The following NCOA6 variants were observed in gnomAD, a reference collection of about 807,000 sequenced individuals.
NCOA6 encodes the protein nuclear receptor coactivator 6.
A neutral mutation model predicts 171.4 loss-of-function variants in NCOA6; 49 were observed. That is an observed-to-expected ratio of 0.29 (90% confidence interval 0.23 to 0.36). The LOEUF is 0.36. Among genes scored for constraint, NCOA6 ranks in the 10% least tolerant of loss-of-function variants. The pLI is 1.00. For synonymous variants in NCOA6, 910 were observed against 927.5 expected, an observed-to-expected ratio of 0.98 and a Z score of 0.34; for missense variants, 2,248 against 2,554.5, an observed-to-expected ratio of 0.88 and a Z score of 2.59.
At chr20:34,726,198 G>A (rs1989937679) in intron 14 of NCOA6, among the ~76,000 whole-genome samples, 1 of 152,160 alleles carries the variant, frequency 6.6e-6, no homozygotes, top group South Asian at 2.1e-4. Context: ...GAAGGTCAGA[G>A]GAGATGGGAT....
At chr20:34,775,806 G>GAAGC (rs2077303600) in intron 4 of NCOA6, among the ~76,000 whole-genome samples, 1 of 151,970 alleles carries the variant, frequency 6.6e-6, no homozygotes, top group Admixed American at 6.6e-5. Flanking sequence ...TGGAAGGAAG[G>GAAGC]AAGCAAATTA....
At position 34,742,839 on chromosome 20, in the gene NCOA6, T is replaced by C. The variant is rs1188370210; in HGVS notation, c.3417A>G (p.Glu1139=). ...TTGGGCCTCCTGGGACAGATGGTGCTTCACTGCCACTTGCTTCAGGGAGTG... is the reference window on the plus strand; with the variant it reads ...TTGGGCCTCCTGGGACAGATGGTGCCTCACTGCCACTTGCTTCAGGGAGTG... ...MASLPEASGS[E]APSVPGGPNN... Residue 1139 remains glutamate (E), a synonymous_variant, in exon 11 of 15, where the codon GAA becomes GAG. Transcript: ENST00000359003. 6.2e-7 allele frequency: 1 copy of C among 1,614,204 alleles called. No individual in the cohort carries two copies. The highest frequency in any genetic ancestry group is 1.3e-5 in the African/African-American group (1 of 75,056).
At chr20:34,750,588 G>A in intron 8 of NCOA6, 69 bp from the exon 9 acceptor site, 2 of 1,426,118 alleles carry the variant, frequency 1.4e-6, no homozygotes, top group Non-Finnish European at 1.9e-6. Flanking sequence ...AGATACTCAA[G>A]TTACATTACT....
At chr20:34,806,303 C>T (rs2078448629) in intron 1 of NCOA6, among the ~76,000 whole-genome samples, 2 of 152,148 alleles carry the variant, frequency 1.3e-5, no homozygotes, top group Non-Finnish European at 2.9e-5. Context: ...TTCTTTATTC[C>T]AGATATTAAT....
chr20:34,740,761 C>T lies in NCOA6; in HGVS notation c.5495G>A (p.Cys1832Tyr). 1 of 1,614,264 alleles carries T rather than the reference C, an allele frequency of 6.2e-7. No homozygotes were observed. The highest frequency in any genetic ancestry group is 8.5e-7 in the Non-Finnish European group (1 of 1,180,050). The change falls in exon 11 of 15, where the codon TGT (cysteine) becomes TAT (tyrosine). Residue 1832 changes from cysteine (C) to tyrosine (Y), a missense_variant. Around this residue, in one of 7 missense-constraint regions of NCOA6, gnomAD observed 884 missense variants for 941.9 expected, o/e 0.94. Transcript: ENST00000359003. ...CTCAAGAGAGCCTGTAACTTTCTTA[C>T]ATGCCTTGGTCAACAAAATTTGGCC... is the stretch of plus-strand genomic sequence containing the variant. ...KIGQILLTKA[C>Y]KKVTGSLEKG...
At chr20:34,807,095 T>TA (rs2078478578) in intron 1 of NCOA6, among the ~76,000 whole-genome samples, 1 of 152,188 alleles carries the variant, frequency 6.6e-6, no homozygotes, top group Admixed American at 6.5e-5. Flanking sequence ...TCCATGATTA[T>TA]AAAAAATTGT....
At chr20:34,817,018 G>A (rs1382386681) in intron 1 of NCOA6, among the ~76,000 whole-genome samples, 1 of 151,030 alleles carries the variant, frequency 6.6e-6, no homozygotes, top group Non-Finnish European at 1.5e-5. Flanking sequence ...AGCTACTCAG[G>A]AGGTTGAGAC....
intron 11 of NCOA6, among the ~76,000 whole-genome samples, chr20:34,739,680 C>T (rs2076070831): frequency 6.6e-6 from 1 of 152,182 alleles, no homozygotes; most frequent in Non-Finnish European, 1.5e-5. Flanking sequence ...AGACTCTGAA[C>T]AAACACTGAA....
intron 1 of NCOA6, among the ~76,000 whole-genome samples, chr20:34,823,695 T>C (rs560541752): frequency 6.6e-6 from 1 of 151,948 alleles, no homozygotes; most frequent in Non-Finnish European, 1.5e-5. Context: ...AGAAGGAGCA[T>C]CTCTCTTTTT....
At chr20:34,787,122 G>GAAA (rs71340421) in intron 2 of NCOA6, among the ~76,000 whole-genome samples, 22 of 144,656 alleles carry the variant, frequency 1.5e-4, no homozygotes, top group African/African-American at 5.3e-4. Context: ...ACAAATTTAT[G>GAAA]AAAAAAAAAA....
chr20:34,730,768 A>C (rs898805502), intron 13 of NCOA6, among the ~76,000 whole-genome samples: 1 of 144,098 alleles, frequency 6.9e-6, no homozygotes, highest in African/African-American at 2.6e-5. Context: ...GTTGGAGTGC[A>C]GTGAGCACGA....
At chr20:34,738,680 G>C (rs2076033064) in intron 11 of NCOA6, among the ~76,000 whole-genome samples, 1 of 152,246 alleles carries the variant, frequency 6.6e-6, no homozygotes, top group African/African-American at 2.4e-5. Flanking sequence ...CTCTGCGTGA[G>C]GCAGTGTGTT....
chr20:34,784,381 T>G (rs1055138981), intron 2 of NCOA6, among the ~76,000 whole-genome samples: 1 of 152,030 alleles, frequency 6.6e-6, no homozygotes, highest in Non-Finnish European at 1.5e-5. Context: ...TGTACCACCG[T>G]GCCCAGCTAA....
At chr20:34,774,542 A>G (rs963655423) in intron 4 of NCOA6, among the ~76,000 whole-genome samples, 5 of 152,202 alleles carry the variant, frequency 3.3e-5, no homozygotes, top group African/African-American at 1.2e-4. Context: ...ACTGCATAAA[A>G]TGTGTCTCAC....
rs531464187 is a variant in NCOA6 at position 34,735,671 on chromosome 20, A to T, written c.5962+1019T>A. ...AAAAAAAAAAGAAAAACAAAAAGAA[A>T]AAAAGACTCTAGGTGGCTGAAATGT... is the stretch of plus-strand genomic sequence containing the variant. On this transcript the variant is annotated intron_variant, in intron 12 of 14. Transcript: ENST00000359003. Among the ~76,000 whole-genome samples, 503 of 152,202 alleles carry T rather than the reference A, an allele frequency of 3.3e-3. 2 individuals are homozygous for T. The highest frequency in any genetic ancestry group is 6.8e-3 in the Middle Eastern group (2 of 294).
chr20:34,787,007 AG>A (rs1400011224), intron 2 of NCOA6, among the ~76,000 whole-genome samples: 1 of 152,174 alleles, frequency 6.6e-6, no homozygotes. Context: ...GCACAGCAAA[AG>A]AAACTATCAT....
At position 34,754,708 on chromosome 20, in the gene NCOA6, C is replaced by T. The variant is rs1315228723; in HGVS notation, c.1675+14G>A. ...CTCAATAAATGCTGGCTAAACAAAT[C>T]ACAGAAAACAAACCTGCATGCTGGA... On this transcript the variant is annotated intron_variant, in intron 8 of 14. Transcript: ENST00000359003. The T allele has an allele frequency of 6.2e-7, 1 of 1,614,062 alleles. No homozygotes were observed. Among genetic ancestry groups the T allele is most frequent in the Non-Finnish European group, 8.5e-7 (1 of 1,179,986 alleles).
At chr20:34,797,150 CA>C in intron 1 of NCOA6, among the ~76,000 whole-genome samples, 1 of 152,096 alleles carries the variant, frequency 6.6e-6, no homozygotes, top group Non-Finnish European at 1.5e-5. Flanking sequence ...CCAGCATGGC[CA>C]AGGAGTAATT....
chr20:34,727,433 C>G (rs201450560), intron 13 of NCOA6, 26 bp from the exon 14 acceptor site: 2 of 1,612,134 alleles, frequency 1.2e-6, no homozygotes, highest in African/African-American at 2.7e-5. Context: ...AAAAAGTTTC[C>G]AAGCAGGTGA....
Sources: allele counts gnomAD v4.1 joint callset (sites outside exome capture counted in the v4.1 genomes callset), GRCh38; gene constraint gnomAD v4.1.1; regional missense constraint gnomAD v4.1.1; transcripts MANE v1.5; gene names NCBI Gene and HGNC (gene_info 2026-07-23, HGNC 2026-07-21).